Variants in BMAL1 observed in about 807,000 individuals in gnomAD.
BMAL1 encodes the protein basic helix-loop-helix ARNT like 1, also known as basic helix-loop-helix ARNT-like protein 1.
the BMAL1 span, among the ~76,000 whole-genome samples, chr11:13,284,196 G>A: frequency 2.6e-3 from 79 of 30,254 alleles, 5 homozygotes; most frequent in South Asian, 0.014. Flanking sequence ...ATATATATGT[G>A]TGTATATATA....
chr11:13,324,171 G>T, the BMAL1 span, among the ~76,000 whole-genome samples: 1 of 152,128 alleles, frequency 6.6e-6, no homozygotes, highest in South Asian at 2.1e-4. Context: ...CTGTCTTTCA[G>T]CAGGTCTCTT....
chr11:13,387,083 G>A, the BMAL1 span: 1 of 206,986 alleles, frequency 4.8e-6, no homozygotes, highest in Admixed American at 5.7e-5. Flanking sequence ...TATGCAAATG[G>A]TCATTTCAGA....
At chr11:13,386,788 T>C in the BMAL1 span, 1 of 1,606,110 alleles carries the variant, frequency 6.2e-7, no homozygotes, top group Admixed American at 1.7e-5. Context: ...ACAGCTATAG[T>C]ATCAAAGTGC....
At chr11:13,285,832 C>T in the BMAL1 span, among the ~76,000 whole-genome samples, 4 of 152,058 alleles carry the variant, frequency 2.6e-5, no homozygotes, top group Non-Finnish European at 4.4e-5. Flanking sequence ...ATTTATCATA[C>T]CCTGCTTAGA....
the BMAL1 span, among the ~76,000 whole-genome samples, chr11:13,294,504 A>G: frequency 6.6e-6 from 1 of 152,204 alleles, no homozygotes; most frequent in African/African-American, 2.4e-5. Context: ...GTTTTTCACA[A>G]CCTGGCTTGG....
the BMAL1 span, chr11:13,354,872 G>A: frequency 1.3e-5 from 3 of 229,512 alleles, no homozygotes; most frequent in Admixed American, 1.5e-4. Flanking sequence ...GAATGTTTAT[G>A]GAAGGAATGA....
At chr11:13,310,706 C>A in the BMAL1 span, among the ~76,000 whole-genome samples, 1 of 152,198 alleles carries the variant, frequency 6.6e-6, no homozygotes, top group Non-Finnish European at 1.5e-5. Context: ...AGGTGGTGGG[C>A]TGGATTTGGC....
At chr11:13,312,353 G>T in the BMAL1 span, among the ~76,000 whole-genome samples, 2 of 152,124 alleles carry the variant, frequency 1.3e-5, no homozygotes, top group Admixed American at 1.3e-4. Context: ...CCTGTGTCTG[G>T]AATTTTTCCT....
the BMAL1 span, among the ~76,000 whole-genome samples, chr11:13,306,372 A>C: frequency 6.6e-6 from 1 of 152,182 alleles, no homozygotes. Context: ...GAAGGACAGG[A>C]AGTTCCATGA....
At chr11:13,286,910 G>T in the BMAL1 span, among the ~76,000 whole-genome samples, 6 of 152,212 alleles carry the variant, frequency 3.9e-5, no homozygotes, top group Non-Finnish European at 2.9e-5. Context: ...GAGCAGAGCT[G>T]AAAGAGTGTG....
the BMAL1 span, among the ~76,000 whole-genome samples, chr11:13,346,217 T>C: frequency 6.6e-6 from 1 of 152,224 alleles, no homozygotes; most frequent in East Asian, 1.9e-4. Flanking sequence ...ACTTCTGCCC[T>C]CATTCACTGG....
the BMAL1 span, among the ~76,000 whole-genome samples, chr11:13,296,970 T>A: frequency 1.3e-5 from 2 of 152,186 alleles, no homozygotes; most frequent in African/African-American, 4.8e-5. Context: ...TGGGTGCTGC[T>A]TGGCCTCAGG....
the BMAL1 span, among the ~76,000 whole-genome samples, chr11:13,351,341 C>T: frequency 6.6e-6 from 1 of 151,922 alleles, no homozygotes; most frequent in Non-Finnish European, 1.5e-5. Context: ...GGCCTGGCAA[C>T]CAGAAGGATT....
At chr11:13,354,656 C>A in the BMAL1 span, 1 of 576,064 alleles carries the variant, frequency 1.7e-6, no homozygotes, top group Non-Finnish European at 2.9e-6. Context: ...AGGCATTTAA[C>A]TTCCACTTCC....
chr11:13,376,419 C>G, the BMAL1 span: 2 of 581,848 alleles, frequency 3.4e-6, no homozygotes, highest in Non-Finnish European at 6.2e-6. Flanking sequence ...TGAACTGTGT[C>G]CCACACATAT....
chr11:13,374,276 G>A, the BMAL1 span: 2 of 1,366,154 alleles, frequency 1.5e-6, no homozygotes, highest in African/African-American at 2.9e-5. Flanking sequence ...TGACCTTCCA[G>A]GGAAATCTGT....
the BMAL1 span, among the ~76,000 whole-genome samples, chr11:13,333,259 G>A: frequency 1.3e-5 from 2 of 152,162 alleles, no homozygotes; most frequent in Non-Finnish European, 2.9e-5. Flanking sequence ...GATCCACTGC[G>A]CCCGGCCAAT....
chr11:13,381,528 A>G, the BMAL1 span, among the ~76,000 whole-genome samples: 1 of 152,216 alleles, frequency 6.6e-6, no homozygotes, highest in African/African-American at 2.4e-5. Context: ...TGAGGGAGCA[A>G]TTCAAGAGTT....
chr11:13,381,303 T>C, the BMAL1 span: 6 of 1,584,898 alleles, frequency 3.8e-6, no homozygotes, highest in African/African-American at 1.3e-5. Flanking sequence ...TTGCCCAAGA[T>C]CTGAAATGTT....
Sources: allele counts gnomAD v4.1 joint callset (sites outside exome capture counted in the v4.1 genomes callset), GRCh38; gene constraint gnomAD v4.1.1; transcripts MANE v1.5; gene names NCBI Gene and HGNC (gene_info 2026-07-23, HGNC 2026-07-21).